Variants in HIRA observed in about 807,000 individuals in gnomAD.
HIRA encodes the protein protein HIRA.
HIRA carries 13 observed loss-of-function variants against 126.6 expected under a neutral mutation model. The observed-to-expected ratio is 0.10, with a 90% confidence interval of 0.07 to 0.16. The LOEUF (loss-of-function observed/expected upper bound fraction) is 0.16. HIRA is among the 10% of genes least tolerant of loss of function. HIRA has a pLI of 1.00. For missense variants in HIRA, 834 were observed against 1,314.4 expected, an observed-to-expected ratio of 0.63 and a Z score of 5.65; for synonymous variants, 511 against 520.0, an observed-to-expected ratio of 0.98 and a Z score of 0.24.
intron 1 of HIRA, among the ~76,000 whole-genome samples, chr22:19,412,995 A>G (rs1985336576): frequency 6.6e-6 from 1 of 152,144 alleles, no homozygotes; most frequent in Non-Finnish European, 1.5e-5. Flanking sequence ...ATTGGGTCCC[A>G]AGGGTTGAGT....
chr22:19,408,629 G>C (rs1167527493), intron 2 of HIRA, 36 bp from the exon 3 acceptor site: 1 of 1,204,718 alleles, frequency 8.3e-7, no homozygotes, highest in South Asian at 1.2e-5. Context: ...GAATGTGCAA[G>C]GAGTAGAAAT....
chr22:19,412,474 C>A (rs1038497659), intron 1 of HIRA, among the ~76,000 whole-genome samples: 1 of 152,226 alleles, frequency 6.6e-6, no homozygotes, highest in Non-Finnish European at 1.5e-5. Flanking sequence ...AATGCCAATT[C>A]ATTTGCTTTT....
intron 15 of HIRA, among the ~76,000 whole-genome samples, chr22:19,372,068 T>C (rs537666058): frequency 6.6e-6 from 1 of 152,356 alleles, no homozygotes; most frequent in African/African-American, 2.4e-5. Context: ...GCTAAAAGAC[T>C]TTACATTCCT....
intron 1 of HIRA, among the ~76,000 whole-genome samples, chr22:19,416,481 T>G (rs537425312): frequency 3.3e-5 from 5 of 152,016 alleles, no homozygotes; most frequent in Non-Finnish European, 5.9e-5. Flanking sequence ...CAACCACGCC[T>G]GGTGCGCACC....
chr22:19,400,767 C>A (rs1203097897), intron 5 of HIRA, among the ~76,000 whole-genome samples: 1 of 152,160 alleles, frequency 6.6e-6, no homozygotes, highest in African/African-American at 2.4e-5. Context: ...ACACTCCAGG[C>A]TCTTGGTTCC....
intron 3 of HIRA, 83 bp from the exon 4 acceptor site, chr22:19,407,357 G>A: frequency 9.1e-7 from 1 of 1,097,650 alleles, no homozygotes; most frequent in Admixed American, 1.8e-5. Flanking sequence ...GATGTAAAGG[G>A]TTTATAAAAT....
chr22:19,333,647 C>T (rs912570397), intron 24 of HIRA, among the ~76,000 whole-genome samples: 3 of 152,196 alleles, frequency 2.0e-5, no homozygotes, highest in South Asian at 2.1e-4. Flanking sequence ...GGAAAATTTC[C>T]GCCAGTATTT....
At chr22:19,414,531 T>C (rs2146248648) in intron 1 of HIRA, among the ~76,000 whole-genome samples, 1 of 152,338 alleles carries the variant, frequency 6.6e-6, no homozygotes, top group East Asian at 1.9e-4. Context: ...TAGAGCTGAC[T>C]GGAACACATG....
intron 7 of HIRA, among the ~76,000 whole-genome samples, chr22:19,395,850 A>G (rs914770690): frequency 2.0e-5 from 3 of 152,224 alleles, no homozygotes; most frequent in Non-Finnish European, 4.4e-5. Context: ...CCTTCTATAC[A>G]GTAGACACTT....
At chr22:19,391,486 T>G (rs1044539270) in intron 9 of HIRA, among the ~76,000 whole-genome samples, 1 of 136,722 alleles carries the variant, frequency 7.3e-6, no homozygotes, top group Admixed American at 6.9e-5. Flanking sequence ...TCTTTTTCTT[T>G]TTTTTTTTTT....
At chr22:19,361,589 A>T in intron 16 of HIRA, 138 bp downstream of exon 16, 2 of 877,314 alleles carry the variant, frequency 2.3e-6, no homozygotes, top group Non-Finnish European at 3.7e-6. Flanking sequence ...TCCATGCTAC[A>T]TTCCAGGGGC....
At chr22:19,362,344 A>C (rs1486062836) in intron 15 of HIRA, among the ~76,000 whole-genome samples, 2 of 152,184 alleles carry the variant, frequency 1.3e-5, no homozygotes, top group African/African-American at 4.8e-5. Flanking sequence ...TTGAATTACT[A>C]TAGTTTATGA....
chr22:19,405,683 G>A (rs1246772624), intron 5 of HIRA, 103 bp downstream of exon 5: 3 of 953,094 alleles, frequency 3.1e-6, no homozygotes, highest in Middle Eastern at 3.6e-4. Flanking sequence ...CCCAGACATA[G>A]GGCTGCTTTA....
At chr22:19,379,180 T>C (rs1338388844) in intron 13 of HIRA, among the ~76,000 whole-genome samples, 1 of 151,530 alleles carries the variant, frequency 6.6e-6, no homozygotes, top group African/African-American at 2.4e-5. Context: ...GCCCGGCTAA[T>C]TTTTTGTATT....
Position 19,331,361 on chromosome 22 carries a change from G to A in HIRA, c.*79C>T, listed in dbSNP as rs1556004519. On this transcript the variant is annotated 3_prime_UTR_variant, in exon 25 of 25. Transcript: ENST00000263208. ...GTCTCCTCCCCCTACAGCCTGGTCA[G>A]GTGAGAGGCGGTCCTGCATGTCATC... is the stretch of plus-strand genomic sequence containing the variant. 1 of 1,605,394 alleles carries A rather than the reference G, an allele frequency of 6.2e-7. No homozygotes were observed. The highest frequency in any genetic ancestry group is 2.2e-5 in the East Asian group (1 of 44,800).
At chr22:19,427,945 T>C (rs2089501129) in intron 1 of HIRA, among the ~76,000 whole-genome samples, 2 of 152,234 alleles carry the variant, frequency 1.3e-5, no homozygotes, top group Non-Finnish European at 2.9e-5. Context: ...ATAAAATATA[T>C]AGAGAATACT....
chr22:19,351,225 T>C lies in HIRA; in HGVS notation c.2937+133A>G. 7.1e-7 allele frequency: 1 copy of C among 1,407,808 alleles called. No individual in the cohort carries two copies. Among genetic ancestry groups the C allele is most frequent in the Non-Finnish European group, 9.2e-7 (1 of 1,082,392 alleles). The allele number at this position is 1,407,808 out of a possible 1,614,324, so 87.2% of individuals were successfully genotyped here. On this transcript the variant is annotated intron_variant, in intron 24 of 24. Coordinates refer to ENST00000263208, the MANE Select transcript of HIRA (RefSeq NM_003325.4). This position sits in a 1 kb window ranked among gnomAD's most constrained non-coding sequence, Gnocchi z 4.8. The stretch of plus-strand genomic sequence containing the variant: ...CGTCGGCATGTCACCCTCTCACTGA[T>C]GCTGGGACCTGAGGCTGGGTGCTGG...
At chr22:19,369,559 G>C (rs145439055) in intron 15 of HIRA, among the ~76,000 whole-genome samples, 3 of 152,140 alleles carry the variant, frequency 2.0e-5, no homozygotes, top group African/African-American at 7.2e-5. Context: ...CTGAGGAAGT[G>C]GGGGACCTGG....
Position 19,374,203 on chromosome 22 carries a change from A to G in HIRA, c.1775+1428T>C, listed in dbSNP as rs113248482. Among the ~76,000 whole-genome samples, 142 of 152,124 alleles carry G rather than the reference A, an allele frequency of 9.3e-4. 1 individual carries two copies. Among genetic ancestry groups the G allele is most frequent in the African/African-American group, 3.2e-3 (132 of 41,544 alleles). Reference sequence around the variant, plus strand: ...CCAAAAATTAGCCAGGTGTTGTGGCAGGCGCCAGTAATCCCAGCTACTTGG... The same window carrying G: ...CCAAAAATTAGCCAGGTGTTGTGGCGGGCGCCAGTAATCCCAGCTACTTGG... On this transcript the variant is annotated intron_variant, in intron 15 of 24. Coordinates refer to ENST00000263208, the MANE Select transcript of HIRA (RefSeq NM_003325.4).
Sources: gnomAD v4.1 joint callset for allele counts (sites outside exome capture counted in the v4.1 genomes callset) on GRCh38, gnomAD v4.1.1 for gene constraint, Gnocchi (gnomAD v3.1) non-coding constraint, MANE v1.5 for transcripts, NCBI Gene and HGNC (gene_info 2026-07-23, HGNC 2026-07-21) for gene names.